The following PRP4K variants were observed in gnomAD, a reference collection of about 807,000 sequenced individuals.
The protein encoded by PRP4K is pre-mRNA processing factor kinase PRP4K, also known as serine/threonine-protein kinase PRP4 homolog.
the PRP4K span, chr6:4,063,173 C>T: frequency 2.6e-5 from 4 of 151,966 alleles, no homozygotes; most frequent in African/African-American, 9.7e-5. Flanking sequence ...TATTTTTTGT[C>T]TAATTTTTTA....
the PRP4K span, among the ~76,000 whole-genome samples, chr6:4,023,022 CAG>C: frequency 5.2e-3 from 792 of 152,270 alleles, 5 homozygotes; most frequent in Non-Finnish European, 8.9e-3. Context: ...GTATGAGTAA[CAG>C]AGATAATCTT....
chr6:4,059,492 G>A, the PRP4K span, among the ~76,000 whole-genome samples: 1 of 152,176 alleles, frequency 6.6e-6, no homozygotes, highest in African/African-American at 2.4e-5. Flanking sequence ...TATAGCATAT[G>A]TCCCTGTCTT....
At chr6:4,057,459 G>A in the PRP4K span, among the ~76,000 whole-genome samples, 2 of 152,194 alleles carry the variant, frequency 1.3e-5, no homozygotes, top group Non-Finnish European at 2.9e-5. Context: ...GTTTCAAAAT[G>A]TTTGGAAGAC....
chr6:4,031,968 C>T, the PRP4K span: 1 of 1,613,928 alleles, frequency 6.2e-7, no homozygotes, highest in Non-Finnish European at 8.5e-7. Flanking sequence ...GGGGGAAATT[C>T]ATGAAAAGGC....
the PRP4K span, among the ~76,000 whole-genome samples, chr6:4,046,491 A>G: frequency 1.3e-5 from 2 of 152,106 alleles, no homozygotes; most frequent in African/African-American, 4.8e-5. Context: ...TTTTAAAGGG[A>G]GAGATACATA....
At chr6:4,049,258 C>A in the PRP4K span, 1 of 699,660 alleles carries the variant, frequency 1.4e-6, no homozygotes, top group South Asian at 1.9e-5. Flanking sequence ...GCTGCATGAA[C>A]TCGTGTGTAT....
chr6:4,060,700 T>C, the PRP4K span: 1 of 1,227,182 alleles, frequency 8.1e-7, no homozygotes, highest in East Asian at 2.5e-5. This position sits in a 1 kb window ranked among gnomAD's most constrained non-coding sequence, Gnocchi z 4.7. Context: ...TATAAACTTA[T>C]AAATATTTCT....
the PRP4K span, chr6:4,060,712 C>A: frequency 8.7e-7 from 1 of 1,151,534 alleles, no homozygotes; most frequent in Non-Finnish European, 1.2e-6. This position sits in a 1 kb window ranked among gnomAD's most constrained non-coding sequence, Gnocchi z 4.7. Flanking sequence ...AATATTTCTC[C>A]AGCAAATTTG....
chr6:4,030,762 T>C, the PRP4K span, among the ~76,000 whole-genome samples: 1 of 152,226 alleles, frequency 6.6e-6, no homozygotes, highest in African/African-American at 2.4e-5. Context: ...CTGTACTGTA[T>C]TAAATTACTG....
the PRP4K span, among the ~76,000 whole-genome samples, chr6:4,027,514 C>T: frequency 6.8e-6 from 1 of 147,716 alleles, no homozygotes; most frequent in African/African-American, 2.5e-5. Flanking sequence ...TTCTTATTAG[C>T]AGCCCTCTCA....
chr6:4,057,539 G>A, the PRP4K span, among the ~76,000 whole-genome samples: 1 of 152,152 alleles, frequency 6.6e-6, no homozygotes, highest in Non-Finnish European at 1.5e-5. Context: ...AGAATGAATA[G>A]GTGAATATTA....
chr6:4,032,994 G>T, the PRP4K span, among the ~76,000 whole-genome samples: 1 of 152,072 alleles, frequency 6.6e-6, no homozygotes, highest in Non-Finnish European at 1.5e-5. Flanking sequence ...ATAGAATTGG[G>T]TTTTTTCACA....
At chr6:4,031,715 T>C in the PRP4K span, 2 of 1,601,202 alleles carry the variant, frequency 1.2e-6, no homozygotes, top group Admixed American at 1.7e-5. Flanking sequence ...AAGACAAGGA[T>C]AAAAAACATA....
At chr6:4,029,567 T>A in the PRP4K span, among the ~76,000 whole-genome samples, 1 of 152,060 alleles carries the variant, frequency 6.6e-6, no homozygotes, top group Non-Finnish European at 1.5e-5. Context: ...TGCCCAGGCT[T>A]GTCTCGAACT....
At chr6:4,029,605 G>C in the PRP4K span, among the ~76,000 whole-genome samples, 2 of 152,050 alleles carry the variant, frequency 1.3e-5, no homozygotes, top group Non-Finnish European at 2.9e-5. Context: ...CTCCTGCCTT[G>C]GCCTTCCATG....
At chr6:4,042,017 C>A in the PRP4K span, among the ~76,000 whole-genome samples, 1 of 152,154 alleles carries the variant, frequency 6.6e-6, no homozygotes, top group Non-Finnish European at 1.5e-5. Flanking sequence ...GGAGTAGAGC[C>A]ACATTCCCCT....
the PRP4K span, chr6:4,040,687 T>G: frequency 8.1e-6 from 11 of 1,351,222 alleles, no homozygotes; most frequent in Middle Eastern, 5.0e-4. Context: ...GTAGAATTTC[T>G]ATATATCCCC....
the PRP4K span, chr6:4,057,119 T>G: frequency 6.2e-7 from 1 of 1,613,576 alleles, no homozygotes. Flanking sequence ...AAAAATTTTA[T>G]TCCCTGGCAA....
the PRP4K span, among the ~76,000 whole-genome samples, chr6:4,054,324 T>G: frequency 6.6e-6 from 1 of 152,326 alleles, no homozygotes; most frequent in East Asian, 1.9e-4. Context: ...AATATTTCCT[T>G]TATTTCCTTC....
Sources: gnomAD v4.1 joint callset for allele counts (sites outside exome capture counted in the v4.1 genomes callset) on GRCh38, gnomAD v4.1.1 for gene constraint, Gnocchi (gnomAD v3.1) non-coding constraint, MANE v1.5 for transcripts, NCBI Gene and HGNC (gene_info 2026-07-23, HGNC 2026-07-21) for gene names.